RARS1: variants seen among roughly 807,000 people sequenced by gnomAD.
RARS1 encodes arginyl-tRNA synthetase 1, also known as arginine--tRNA ligase, cytoplasmic.
In RARS1, 75 loss-of-function variants were observed where a neutral mutation model predicts 78.7. That is an observed-to-expected ratio of 0.95 (90% CI 0.79 to 1.15). RARS1 has a LOEUF of 1.15. Ranked by LOEUF, RARS1 falls within the 50% of genes most tolerant of loss-of-function variation. RARS1 has a pLI of 0.00. For missense variants in RARS1, 787 were observed against 787.5 expected (o/e 1.00, Z 0.01); for synonymous variants, 273 against 268.2 (o/e 1.02, Z -0.18).
intron 8 of RARS1, among the ~76,000 whole-genome samples, chr5:168,501,472 G>A (rs1288179370): frequency 1.3e-5 from 2 of 152,048 alleles, no homozygotes; most frequent in Admixed American, 6.6e-5. Context: ...ATATAAAAAA[G>A]TAAATGTTGG....
At chr5:168,502,384 A>ATATATATATATATATATATTT (rs1280220276) in intron 9 of RARS1, among the ~76,000 whole-genome samples, 1 of 127,248 alleles carries the variant, frequency 7.9e-6, no homozygotes, top group African/African-American at 3.2e-5. Context: ...ATATATATAT[A>ATATATATATATATATATATTT]TTTTTTTTTT....
chr5:168,515,284 C>T (rs957850082), intron 12 of RARS1, among the ~76,000 whole-genome samples: 87 of 151,928 alleles, frequency 5.7e-4, no homozygotes, highest in African/African-American at 2.1e-3. Context: ...TTTGTAGTCC[C>T]CCTCCTTAGT....
At chr5:168,495,255 ATCTT>A in intron 5 of RARS1, 56 bp from the exon 6 acceptor site, 1 of 1,553,818 alleles carries the variant, frequency 6.4e-7, no homozygotes, top group East Asian at 2.3e-5. Context: ...TCTTAAAAAA[ATCTT>A]TCTCTCTTTA....
intron 14 of RARS1, 33 bp downstream of exon 14, chr5:168,518,095 T>TTTTG: frequency 7.5e-7 from 1 of 1,338,142 alleles, no homozygotes; most frequent in Non-Finnish European, 9.8e-7. Flanking sequence ...TTTTTTTTTT[T>TTTTG]AGTGAGAGAC....
chr5:168,491,171 G>T (rs1290897651), intron 2 of RARS1, among the ~76,000 whole-genome samples: 3 of 152,040 alleles, frequency 2.0e-5, no homozygotes, highest in Non-Finnish European at 4.4e-5. Context: ...ACAAAAAATT[G>T]ACATTTATTA....
chr5:168,517,002 G>C, intron 13 of RARS1, 52 bp downstream of exon 13: 1 of 1,513,200 alleles, frequency 6.6e-7, no homozygotes, highest in Non-Finnish European at 9.0e-7. Context: ...AGCATATTTA[G>C]TTACTCAAAA....
At chr5:168,496,764 G>A (rs569480759) in intron 6 of RARS1, among the ~76,000 whole-genome samples, 15 of 152,242 alleles carry the variant, frequency 9.9e-5, no homozygotes, top group East Asian at 3.9e-4. Flanking sequence ...GATTACAGGC[G>A]TGAGCCATTG....
chr5:168,514,992 C>G (rs912243896), intron 12 of RARS1, among the ~76,000 whole-genome samples: 1 of 152,078 alleles, frequency 6.6e-6, no homozygotes, highest in Non-Finnish European at 1.5e-5. Context: ...AAGCTGTACT[C>G]TGTTTCCAGG....
At chr5:168,488,179 G>A (rs1758006920) in intron 1 of RARS1, 1 of 384,346 alleles carries the variant, frequency 2.6e-6, no homozygotes, top group Non-Finnish European at 5.1e-6. Flanking sequence ...GCAGACTGGA[G>A]TGCAGTGGCA....
intron 9 of RARS1, among the ~76,000 whole-genome samples, chr5:168,503,362 C>T (rs1190254472): frequency 6.6e-6 from 1 of 152,114 alleles, no homozygotes; most frequent in Non-Finnish European, 1.5e-5. Context: ...TTTTGGTTAT[C>T]CTCAGGTACA....
intron 11 of RARS1, among the ~76,000 whole-genome samples, chr5:168,507,505 T>C (rs1178094652): frequency 2.6e-5 from 4 of 152,224 alleles, no homozygotes; most frequent in African/African-American, 9.7e-5. Flanking sequence ...TTAGATTTGG[T>C]AACAAAGCCT....
At chr5:168,496,942 A>T in intron 6 of RARS1, 1 of 263,528 alleles carries the variant, frequency 3.8e-6, no homozygotes, top group Admixed American at 5.3e-5. Flanking sequence ...AAATAAACAG[A>T]TTATAGTCCA....
chr5:168,492,867 C>A lies in RARS1; in HGVS notation c.369+20C>A, dbSNP rs1243575469. 4 of 1,534,560 alleles carry A rather than the reference C, an allele frequency of 2.6e-6. 1 individual carries two copies. In the South Asian group the frequency reaches 4.7e-5, roughly 18 times the overall value. Reference sequence around the variant, plus strand: ...TCTCAGGTGATGTATTGTCATGACTCTTGGCTGTTTGATTTTTTTAAGTAT... The same window carrying A: ...TCTCAGGTGATGTATTGTCATGACTATTGGCTGTTTGATTTTTTTAAGTAT... On this transcript the variant is annotated intron_variant, in intron 3 of 14. Coordinates refer to ENST00000231572, the MANE Select transcript of RARS1 (RefSeq NM_002887.4).
At chr5:168,505,757 T>G (rs1582437049) in intron 9 of RARS1, among the ~76,000 whole-genome samples, 1 of 148,590 alleles carries the variant, frequency 6.7e-6, no homozygotes, top group Non-Finnish European at 1.5e-5. Flanking sequence ...CCAAGTTTAG[T>G]GTTTAAGTGT....
intron 3 of RARS1, among the ~76,000 whole-genome samples, chr5:168,493,642 A>AAG (rs1263449702): frequency 6.6e-6 from 1 of 151,736 alleles, no homozygotes; most frequent in Non-Finnish European, 1.5e-5. Flanking sequence ...TCAAAAAAAA[A>AAG]AAAAAAAAAA....
chr5:168,494,788 GGT>G, intron 5 of RARS1, 138 bp downstream of exon 5: 1 of 645,250 alleles, frequency 1.5e-6, no homozygotes, highest in Non-Finnish European at 2.7e-6. Flanking sequence ...TCAAGGCTGA[GGT>G]GTGCTGTGAT....
intron 12 of RARS1, among the ~76,000 whole-genome samples, chr5:168,516,120 A>AAAT (rs1758661517): frequency 1.3e-5 from 2 of 152,152 alleles, no homozygotes; most frequent in Admixed American, 1.3e-4. Flanking sequence ...TTCTTCTAAG[A>AAAT]ACTATAGTCC....
intron 11 of RARS1, among the ~76,000 whole-genome samples, chr5:168,508,079 A>G (rs1320529339): frequency 6.6e-6 from 1 of 152,158 alleles, no homozygotes; most frequent in East Asian, 1.9e-4. Context: ...GTGTTTATGG[A>G]CATAAAGTTT....
intron 3 of RARS1, among the ~76,000 whole-genome samples, chr5:168,493,633 CAAAAAAA>C (rs35001933): frequency 2.6e-5 from 2 of 78,236 alleles, no homozygotes; most frequent in East Asian, 4.3e-4. Flanking sequence ...GACTCCATCT[CAAAAAAA>C]AAAAAAAAAA....
Sources: allele counts gnomAD v4.1 joint callset (sites outside exome capture counted in the v4.1 genomes callset), GRCh38; gene constraint gnomAD v4.1.1; transcripts MANE v1.5; gene names NCBI Gene and HGNC (gene_info 2026-07-23, HGNC 2026-07-21).